ELAPOR2: variants seen among roughly 807,000 people sequenced by gnomAD.
ELAPOR2 encodes the protein endosome-lysosome associated apoptosis and autophagy regulator family member 2.
A neutral mutation model predicts 120.7 loss-of-function variants in ELAPOR2; 89 were observed. That is an observed-to-expected ratio of 0.74 (90% confidence interval 0.62 to 0.88). ELAPOR2 has a LOEUF of 0.88. ELAPOR2 is among the 40% of genes least tolerant of loss of function. The pLI is 0.00. For synonymous variants in ELAPOR2, 444 were observed against 444.9 expected (o/e 1.00, Z 0.03); for missense variants, 1,134 against 1,251.6 (o/e 0.91, Z 1.42).
chr7:87,025,343 A>G (rs1008800719), intron 1 of ELAPOR2, among the ~76,000 whole-genome samples: 2 of 152,138 alleles, frequency 1.3e-5, no homozygotes, highest in African/African-American at 4.8e-5. Flanking sequence ...TCGAACAAAA[A>G]GCAAAGACCT....
In ELAPOR2 at chr7:86,913,209, A is replaced by G. The variant is rs1249031222; in HGVS notation, c.1732-5T>C. 4 of 1,611,628 alleles carry G rather than the reference A, an allele frequency of 2.5e-6. No homozygotes were observed. In the Admixed American group the frequency reaches 6.7e-5, roughly 27 times the overall value. On this transcript the variant is annotated splice_region_variant and splice_polypyrimidine_tract_variant and intron_variant, in intron 13 of 21. Coordinates refer to ENST00000450689, the MANE Select transcript of ELAPOR2 (RefSeq NM_001142749.3). ...GTCATTGATGAACCGTCTATTCTAA[A>G]AAAAAGAGCATAAAGTAATGACTTC...
In ELAPOR2 at chr7:87,054,928, C is replaced by A. The variant is rs552872178; in HGVS notation, c.189+4397G>T. Reference sequence around the variant, plus strand: ...AAGGCTTTTCTTTTTCCCACAACTCCACACTCACATTTCTTCTTTACCAGC... The same window carrying A: ...AAGGCTTTTCTTTTTCCCACAACTCAACACTCACATTTCTTCTTTACCAGC... On this transcript the variant is annotated intron_variant, in intron 1 of 21. Transcript: ENST00000450689. 1.4e-4 allele frequency among the ~76,000 whole-genome samples: 21 copies of A among 152,314 alleles called. No individual in the cohort carries two copies. In the South Asian group the frequency reaches 4.3e-3, roughly 32 times the overall value.
chr7:86,898,051 T>G (rs774268869), intron 18 of ELAPOR2, among the ~76,000 whole-genome samples: 7 of 152,120 alleles, frequency 4.6e-5, no homozygotes, highest in Middle Eastern at 3.2e-3. Context: ...TCAATGTTTA[T>G]AGCAGCATTT....
Position 86,897,590 on chromosome 7 carries a change from GA to G in ELAPOR2, c.2600del (p.Phe867SerfsTer62). The G allele has an allele frequency of 2.5e-6, 4 of 1,613,256 alleles. No homozygotes were observed. Among genetic ancestry groups the G allele is most frequent in the Non-Finnish European group, 2.5e-6 (3 of 1,179,494 alleles). ...GGCAAGCTTCAGCACTCTCCCACAG[GA>G]AATAGAACGTACACCCATCACAGGT... The part of the protein sequence containing the change: ...AGTCDGCTFY[F>X]LWESAEACPL... On this transcript the variant is annotated frameshift_variant, in exon 19 of 22. Transcript: ENST00000450689. LOFTEE classifies it high-confidence loss of function.
intron 19 of ELAPOR2, 52 bp downstream of exon 19, chr7:86,897,454 C>A: frequency 6.4e-7 from 1 of 1,574,236 alleles, no homozygotes; most frequent in South Asian, 1.2e-5. Flanking sequence ...GATTTGATGC[C>A]AGATTAACCA....
At chr7:86,910,997 G>A (rs577847690) in intron 15 of ELAPOR2, among the ~76,000 whole-genome samples, 1 of 151,790 alleles carries the variant, frequency 6.6e-6, no homozygotes, top group African/African-American at 2.4e-5. Context: ...AAAAGGTACT[G>A]GGGAAAGAAA....
At chr7:86,894,058 A>G (rs776378795) in intron 19 of ELAPOR2, among the ~76,000 whole-genome samples, 26 of 152,108 alleles carry the variant, frequency 1.7e-4, no homozygotes, top group Non-Finnish European at 1.2e-4. Context: ...GAATAACACC[A>G]TAATGTTAAT....
intron 1 of ELAPOR2, among the ~76,000 whole-genome samples, chr7:87,052,313 G>A (rs776242040): frequency 2.0e-5 from 3 of 152,190 alleles, no homozygotes; most frequent in Non-Finnish European, 2.9e-5. Flanking sequence ...CAAGAGAAGA[G>A]AGATTGTACA....
At chr7:86,943,881 T>A (rs575631240) in intron 4 of ELAPOR2, among the ~76,000 whole-genome samples, 1 of 152,210 alleles carries the variant, frequency 6.6e-6, no homozygotes, top group Admixed American at 6.5e-5. Context: ...TATTGTCACA[T>A]AATCTACTTT....
At chr7:87,011,438 T>C (rs545531107) in intron 1 of ELAPOR2, among the ~76,000 whole-genome samples, 2 of 152,292 alleles carry the variant, frequency 1.3e-5, no homozygotes, top group South Asian at 4.1e-4. Flanking sequence ...TACTGAATGC[T>C]CTGGTAATAT....
intron 8 of ELAPOR2, among the ~76,000 whole-genome samples, chr7:86,931,383 T>C (rs1200542211): frequency 6.6e-6 from 1 of 151,936 alleles, no homozygotes; most frequent in Non-Finnish European, 1.5e-5. Flanking sequence ...AGGAAAGATA[T>C]CAAATCTCTG....
intron 15 of ELAPOR2, 22 bp downstream of exon 15, chr7:86,912,050 C>T: frequency 6.3e-7 from 1 of 1,590,274 alleles, no homozygotes; most frequent in East Asian, 2.3e-5. Context: ...AGGTCCATCT[C>T]ACCTTGACAG....
intron 19 of ELAPOR2, among the ~76,000 whole-genome samples, chr7:86,893,444 T>A (rs1490348172): frequency 2.6e-5 from 4 of 151,702 alleles, no homozygotes; most frequent in African/African-American, 9.7e-5. Context: ...CCTTCTGGGC[T>A]ATTTTTTTTT....
At chr7:86,960,454 T>C (rs989809996) in intron 2 of ELAPOR2, among the ~76,000 whole-genome samples, 3 of 152,148 alleles carry the variant, frequency 2.0e-5, no homozygotes, top group Non-Finnish European at 4.4e-5. Context: ...GGTTTCACTA[T>C]GTTGGCCAGG....
intron 10 of ELAPOR2, among the ~76,000 whole-genome samples, chr7:86,920,588 G>A (rs1789785283): frequency 6.6e-6 from 1 of 152,098 alleles, no homozygotes; most frequent in Admixed American, 6.6e-5. Context: ...TACAAGGATG[G>A]TAAAGAGAGC....
intron 1 of ELAPOR2, among the ~76,000 whole-genome samples, chr7:87,002,174 C>T (rs1463707796): frequency 6.6e-6 from 1 of 152,166 alleles, no homozygotes; most frequent in Admixed American, 6.5e-5. Flanking sequence ...TAGCCACCTT[C>T]AGTTTAAATT....
Position 86,957,592 on chromosome 7 carries a change from GA to G in ELAPOR2, c.310+7311del, listed in dbSNP as rs921138874. On this transcript the variant is annotated intron_variant, in intron 2 of 21. Coordinates refer to ENST00000450689, the MANE Select transcript of ELAPOR2 (RefSeq NM_001142749.3). ...TACCAAACAATATGTTAAGTATGGG[GA>G]AAAAAAACAACTGGCTAATCAACTT... Among the ~76,000 whole-genome samples, 5 of 151,418 alleles carry G rather than the reference GA, an allele frequency of 3.3e-5. No homozygotes were observed. In the South Asian group the frequency reaches 6.3e-4, roughly 19 times the overall value.
intron 1 of ELAPOR2, among the ~76,000 whole-genome samples, chr7:86,971,473 G>A (rs1792106551): frequency 6.6e-6 from 1 of 152,144 alleles, no homozygotes; most frequent in South Asian, 2.1e-4. Context: ...CGAAGATAAT[G>A]AGGAAAATGT....
At chr7:87,021,236 T>G (rs563859540) in intron 1 of ELAPOR2, among the ~76,000 whole-genome samples, 6 of 152,204 alleles carry the variant, frequency 3.9e-5, no homozygotes, top group Non-Finnish European at 8.8e-5. Context: ...GTAGAAAAAC[T>G]AGAAATAGAG....
Sources: gnomAD v4.1 joint callset for allele counts (sites outside exome capture counted in the v4.1 genomes callset) on GRCh38, gnomAD v4.1.1 for gene constraint, MANE v1.5 for transcripts, NCBI Gene and HGNC (gene_info 2026-07-23, HGNC 2026-07-21) for gene names.